Variants in PCDHA12 observed in about 807,000 individuals in gnomAD.
PCDHA12 encodes the protein protocadherin alpha-12.
In PCDHA12, 44 loss-of-function variants were observed where a neutral mutation model predicts 60.0. That is an observed-to-expected ratio of 0.73 (90% confidence interval 0.58 to 0.94). The LOEUF (loss-of-function observed/expected upper bound fraction) is 0.94. PCDHA12 is among the 40% of genes least tolerant of loss of function. The probability of loss-of-function intolerance (pLI) is 0.00; values close to 1 mark genes in which losing one functional copy is unlikely to be tolerated. For missense variants in PCDHA12, 1,276 were observed against 1,239.7 expected (o/e 1.03, Z -0.44); for synonymous variants, 569 against 553.0 (o/e 1.03, Z -0.40).
chr5:140,931,473 A>G (rs2087545332), intron 1 of PCDHA12, among the ~76,000 whole-genome samples: 1 of 152,066 alleles, frequency 6.6e-6, no homozygotes, highest in Admixed American at 6.6e-5. Flanking sequence ...TGACAGAGGA[A>G]AAAACAACCC....
chr5:140,884,456 G>A lies in PCDHA12; in HGVS notation c.2367+6617G>A, dbSNP rs1460569799. 2.5e-6 allele frequency: 4 copies of A among 1,613,650 alleles called. No individual in the cohort carries two copies. In the African/African-American group the frequency reaches 5.3e-5, roughly 22 times the overall value. The stretch of plus-strand genomic sequence containing the variant: ...GCGGTGCTCGGCACCGCCCACCGAG[G>A]GCGCGTGCGCGCCGGGCAAGCCCAC... On this transcript the variant is annotated intron_variant, in intron 1 of 3. Coordinates refer to ENST00000398631, the MANE Select transcript of PCDHA12 (RefSeq NM_018903.4).
intron 1 of PCDHA12, among the ~76,000 whole-genome samples, chr5:140,900,565 C>T (rs368765128): frequency 1.2e-4 from 19 of 152,248 alleles, no homozygotes; most frequent in South Asian, 1.2e-3. Context: ...GCGTGAGCCA[C>T]GGCACCGGCC....
intron 1 of PCDHA12, among the ~76,000 whole-genome samples, chr5:140,961,280 C>G (rs246003): frequency 0.56 from 85,679 of 152,048 alleles, 24,751 homozygotes; most frequent in African/African-American, 0.69. Flanking sequence ...TACCATGGCT[C>G]TGTTTCTTGA....
chr5:140,884,737 T>C (rs1554181872), intron 1 of PCDHA12: 1 of 1,443,634 alleles, frequency 6.9e-7, no homozygotes, highest in Non-Finnish European at 9.1e-7. Context: ...AAGACATCTT[T>C]CCTGCCAATT....
At chr5:140,887,256 C>T (rs1554182988) in intron 1 of PCDHA12, among the ~76,000 whole-genome samples, 1 of 152,002 alleles carries the variant, frequency 6.6e-6, no homozygotes, top group African/African-American at 2.4e-5. Context: ...GCCACCACGC[C>T]CTGCTAATTT....
chr5:140,978,656 G>A (rs2096815434), intron 1 of PCDHA12, among the ~76,000 whole-genome samples: 1 of 152,248 alleles, frequency 6.6e-6, no homozygotes, highest in African/African-American at 2.4e-5. Flanking sequence ...TCTTCCCGTA[G>A]TGTTTTAAGA....
At chr5:140,881,471 G>T (rs1420508750) in intron 1 of PCDHA12, 1 of 555,772 alleles carries the variant, frequency 1.8e-6, no homozygotes, top group Non-Finnish European at 2.3e-6. Flanking sequence ...CATTGTTGTG[G>T]CTAAATTATT....
chr5:140,982,538 G>C lies in PCDHA12; in HGVS notation c.2490G>C (p.Trp830Cys), dbSNP rs782094765. The change falls in exon 3 of 4, where the codon TGG becomes TGC. Residue 830 changes from tryptophan to cysteine, a missense_variant. Coordinates refer to ENST00000398631, the MANE Select transcript of PCDHA12 (RefSeq NM_018903.4). ...GTCCAGGAGGGCCTGATCAGCAGTG[G>C]CCAACAGTATCCAGTGCAACACCAG... ...RAGPGGPDQQ[W>C]PTVSSATPEP... 1 of 1,614,166 alleles carries C rather than the reference G, an allele frequency of 6.2e-7. No individual in the cohort carries two copies.
intron 1 of PCDHA12, among the ~76,000 whole-genome samples, chr5:140,918,414 T>G (rs2078683449): frequency 6.6e-6 from 1 of 152,198 alleles, no homozygotes; most frequent in African/African-American, 2.4e-5. Context: ...TGGCCAGGAC[T>G]TCCAGTAGGA....
rs1262836505 is a variant in PCDHA12 at position 141,012,081 on chromosome 5, T to C, written c.*2144T>C. The C allele has an allele frequency of 6.5e-6, 1 of 153,748 alleles. No individual in the cohort carries two copies. Among genetic ancestry groups the C allele is most frequent in the Non-Finnish European group, 1.5e-5 (1 of 68,042 alleles). 9.5% of individuals were successfully genotyped at this position (153,748 alleles called of 1,614,324 possible). On this transcript the variant is annotated 3_prime_UTR_variant, in exon 4 of 4. Transcript: ENST00000398631. Reference sequence around the variant, plus strand: ...CAACACATGTGAACCATTGCTACATTGTAGGTTGTGATCATTTTGCCCCAC... The same window carrying C: ...CAACACATGTGAACCATTGCTACATCGTAGGTTGTGATCATTTTGCCCCAC...
At chr5:140,966,185 GA>G (rs1378285647) in intron 1 of PCDHA12, 4 of 197,798 alleles carry the variant, frequency 2.0e-5, no homozygotes, top group Non-Finnish European at 4.0e-5. Context: ...CTGATAGCCA[GA>G]CTTCTAGGGG....
At chr5:140,927,153 C>T in intron 1 of PCDHA12, 1 of 1,614,190 alleles carries the variant, frequency 6.2e-7, no homozygotes, top group Non-Finnish European at 8.5e-7. Context: ...AACAGCTGTG[C>T]AGGGCCAAAG....
At chr5:140,918,432 T>C (rs1462854272) in intron 1 of PCDHA12, among the ~76,000 whole-genome samples, 2 of 152,204 alleles carry the variant, frequency 1.3e-5, no homozygotes, top group Non-Finnish European at 2.9e-5. Context: ...GGATGTTGAA[T>C]AGGAGTGGTG....
chr5:140,968,588 A>G (rs1554230894), intron 1 of PCDHA12: 1 of 1,614,180 alleles, frequency 6.2e-7, no homozygotes, highest in South Asian at 1.1e-5. Flanking sequence ...CACCAAAGTC[A>G]TAGCTATGGA....
At chr5:140,996,200 A>G (rs1338736394) in intron 3 of PCDHA12, among the ~76,000 whole-genome samples, 1 of 152,236 alleles carries the variant, frequency 6.6e-6, no homozygotes, top group South Asian at 2.1e-4. Flanking sequence ...CCCTCAATGC[A>G]AGGATATCAC....
chr5:140,969,542 C>A, intron 1 of PCDHA12: 1 of 1,279,482 alleles, frequency 7.8e-7, no homozygotes, highest in Non-Finnish European at 1.1e-6. Context: ...TTTTCAGAGG[C>A]ATGAAGCCTT....
At chr5:140,928,656 T>C in intron 1 of PCDHA12, 1 of 1,614,232 alleles carries the variant, frequency 6.2e-7, no homozygotes, top group Middle Eastern at 1.6e-4. Flanking sequence ...CAGAGGATGC[T>C]GACAGTGGTT....
chr5:140,939,311 C>A (rs972598257), intron 1 of PCDHA12, among the ~76,000 whole-genome samples: 1 of 152,130 alleles, frequency 6.6e-6, no homozygotes, highest in African/African-American at 2.4e-5. Flanking sequence ...AAAGCCCTAC[C>A]TCCTAATATC....
intron 1 of PCDHA12, among the ~76,000 whole-genome samples, chr5:140,965,730 C>T (rs1554227819): frequency 6.6e-6 from 1 of 152,166 alleles, no homozygotes; most frequent in East Asian, 1.9e-4. Flanking sequence ...AAAAATTTTA[C>T]CAGATTTTCC....
Sources: allele counts gnomAD v4.1 joint callset (sites outside exome capture counted in the v4.1 genomes callset), GRCh38; gene constraint gnomAD v4.1.1; transcripts MANE v1.5; gene names NCBI Gene and HGNC (gene_info 2026-07-23, HGNC 2026-07-21).